Variants in OR7A10 observed in about 807,000 individuals in gnomAD.
OR7A10 encodes the protein olfactory receptor family 7 subfamily A member 10, also known as olfactory receptor 7A10.
For synonymous variants in OR7A10, 144 were observed against 144.5 expected (o/e 1.00, Z 0.02); for missense variants, 358 against 370.1 (o/e 0.97, Z 0.27).
At position 14,841,379 on chromosome 19, in the gene OR7A10, G is replaced by A. The variant is rs764338523; in HGVS notation, c.499C>T (p.Pro167Ser). The change falls in exon 2 of 2, where the codon CCC (proline) becomes TCC (serine). Residue 167 changes from proline to serine, a missense_variant. By Grantham distance (74) the Pro-to-Ser change is moderately conservative. Coordinates refer to ENST00000641129, the MANE Select transcript of OR7A10 (RefSeq NM_001005190.2). ...GGGATTTCCATGTGTGTACAAAAGG[G>A]CAGTGGCAACACCATTAAGCTTTGT... is the stretch of plus-strand genomic sequence containing the variant. Reference protein sequence around the residue: ...MLQSLMVLPLPFCTHMEIPHF... With the variant: ...MLQSLMVLPLSFCTHMEIPHF... 84 of 1,613,962 alleles carry A rather than the reference G, an allele frequency of 5.2e-5. No individual in the cohort carries two copies. The highest frequency in any genetic ancestry group is 6.8e-5 in the Non-Finnish European group (80 of 1,180,014).
rs1471593748 is a variant in OR7A10, at chr19:14,841,397, A to T, written c.481T>A (p.Leu161Ile). 2 of 1,614,058 alleles carry T rather than the reference A, an allele frequency of 1.2e-6. No homozygotes were observed. Among genetic ancestry groups the T allele is most frequent in the South Asian group, 2.2e-5 (2 of 91,080 alleles). The change falls in exon 2 of 2, where the codon TTA becomes ATA. Residue 161 changes from leucine to isoleucine, a missense_variant. Leu to Ile is a conservative substitution (Grantham distance 5). Transcript: ENST00000641129. ...CAAAAGGGCAGTGGCAACACCATTA[A>T]GCTTTGTAACATGGAATTCAGAACA... The part of the protein sequence containing the change: ...MSVLNSMLQS[L>I]MVLPLPFCTH...
Position 14,841,028 on chromosome 19 carries a change from T to C in OR7A10, c.850A>G (p.Met284Val). 6.2e-7 allele frequency: 1 copy of C among 1,614,114 alleles called. No homozygotes were observed. Among genetic ancestry groups the C allele is most frequent in the Non-Finnish European group, 8.5e-7 (1 of 1,180,000 alleles). Residue 284 changes from methionine to valine, a missense_variant, in exon 2 of 2, where the codon ATG (methionine) becomes GTG (valine). By Grantham distance (21) the Met-to-Val change is conservative. Coordinates refer to ENST00000641129, the MANE Select transcript of OR7A10 (RefSeq NM_001005190.2). ...ASVMYTVVTP[M>V]LNPFIYSLRN... ...AGACTGTAGATGAAGGGGTTCAGCA[T>C]GGGGGTGACCACAGTGTACATCACT... is the stretch of plus-strand genomic sequence containing the variant.
chr19:14,841,958 A>T, intron 1 of OR7A10, 69 bp from the exon 2 acceptor site: 2 of 897,456 alleles, frequency 2.2e-6, no homozygotes, highest in East Asian at 5.0e-5. Context: ...TTCCAAAACT[A>T]TCAGAAATGT....
Position 14,841,673 on chromosome 19 carries a change from C to G in OR7A10, c.205G>C (p.Val69Leu), listed in dbSNP as rs774022847. The change falls in exon 2 of 2, where the codon GTA (valine) becomes CTA (leucine). Residue 69 changes from valine (V) to leucine (L), a missense_variant. By Grantham distance (32) the Val-to-Leu change is conservative. Transcript: ENST00000641129. ...MYFFLSNLSFVDICFVSTTVP... is the reference protein window; with the variant it reads ...MYFFLSNLSFLDICFVSTTVP... ...GTGGTAGAGACAAAACAGATGTCTA[C>G]GAAGGACAGGTTGGAGAGGAAGAAG... 1.9e-6 allele frequency: 3 copies of G among 1,613,906 alleles called. No homozygotes were observed. Among genetic ancestry groups the G allele is most frequent in the Non-Finnish European group, 1.7e-6 (2 of 1,180,022 alleles).
rs1186056356 is a variant in OR7A10, at chr19:14,841,600, G to A, written c.278C>T (p.Thr93Ile). The change falls in exon 2 of 2, where the codon ACC becomes ATC. Residue 93 changes from threonine to isoleucine, a missense_variant. Transcript: ENST00000641129. ...VNIQTHNKVITYAGCITQMCF... is the reference protein window; with the variant it reads ...VNIQTHNKVIIYAGCITQMCF... Reference sequence around the variant, plus strand: ...CATCTGGGTGATGCAGCCTGCATAGGTGATGACTTTGTTGTGTGTCTGGAT... The same window carrying A: ...CATCTGGGTGATGCAGCCTGCATAGATGATGACTTTGTTGTGTGTCTGGAT... 3 of 1,614,192 alleles carry A rather than the reference G, an allele frequency of 1.9e-6. No individual in the cohort carries two copies. The highest frequency in any genetic ancestry group is 4.5e-5 in the East Asian group (2 of 44,874).
chr19:14,845,323 A>C (rs2044937313), intron 1 of OR7A10, among the ~76,000 whole-genome samples: 1 of 151,860 alleles, frequency 6.6e-6, no homozygotes, highest in Non-Finnish European at 1.5e-5. Flanking sequence ...AAAAATACAA[A>C]AATTAGCTGG....
At chr19:14,844,669 T>TTGTTTTTTTTTG (rs200433063) in intron 1 of OR7A10, among the ~76,000 whole-genome samples, 1 of 134,084 alleles carries the variant, frequency 7.5e-6, no homozygotes, top group Admixed American at 8.0e-5. Context: ...TCTGTGTTTT[T>TTGTTTTTTTTTG]TTTTTTTTTT....
Position 14,841,339 on chromosome 19 carries a change from TC to T in OR7A10, c.538del (p.Glu180LysfsTer18). 6.2e-7 allele frequency: 1 copy of T among 1,614,160 alleles called. No homozygotes were observed. Among genetic ancestry groups the T allele is most frequent in the Non-Finnish European group, 8.5e-7 (1 of 1,180,020 alleles). ...GGCAAGGTGGACCACCTGATTAATTTCACAGAAAAAATGAGGGATTTCCATG... is the reference window on the plus strand; with the variant it reads ...GGCAAGGTGGACCACCTGATTAATTTACAGAAAAAATGAGGGATTTCCATG... ...THMEIPHFFC[E>X]INQVVHLACS... On this transcript the variant is annotated frameshift_variant, in exon 2 of 2. Coordinates refer to ENST00000641129, the MANE Select transcript of OR7A10 (RefSeq NM_001005190.2). LOFTEE classifies it low-confidence loss of function (END_TRUNC).
Position 14,840,958 on chromosome 19 carries a change from C to T in OR7A10, c.920G>A (p.Gly307Glu). The change falls in exon 2 of 2, where the codon GGA becomes GAA. Residue 307 changes from glycine to glutamate, a missense_variant. Transcript: ENST00000641129. Reference sequence around the variant, plus strand: ...TGAAAAATAGCCTTTCTATTGCTTTCCTCTGAAGAATGTTTTCATAGCACC... The same window carrying T: ...TGAAAAATAGCCTTTCTATTGCTTTTCTCTGAAGAATGTTTTCATAGCACC... ...IKGAMKTFFR[G>E]KQ 2 of 1,607,396 alleles carry T rather than the reference C, an allele frequency of 1.2e-6. No individual in the cohort carries two copies. The highest frequency in any genetic ancestry group is 2.2e-5 in the South Asian group (2 of 89,732).
At position 14,841,513 on chromosome 19, in the gene OR7A10, C is replaced by T. The variant is rs576280843; in HGVS notation, c.365G>A (p.Arg122Gln). 49 of 1,614,074 alleles carry T rather than the reference C, an allele frequency of 3.0e-5. No homozygotes were observed. The highest frequency in any genetic ancestry group is 1.2e-4 in the African/African-American group (9 of 75,004). Residue 122 changes from arginine (R) to glutamine (Q), a missense_variant, in exon 2 of 2, where the codon CGG (arginine) becomes CAG (glutamine). Coordinates refer to ENST00000641129, the MANE Select transcript of OR7A10 (RefSeq NM_001005190.2). ...NFLLTVMAYD[R>Q]FVAICHPLHY... ...CAGAGGGTGACAGATGGCCACAAACCGGTCATAGGCCATCACGGTCAGAAG... is the reference window on the plus strand; with the variant it reads ...CAGAGGGTGACAGATGGCCACAAACTGGTCATAGGCCATCACGGTCAGAAG...
At chr19:14,848,463 C>T (rs929275329) in intron 1 of OR7A10, 37 bp downstream of exon 1, 1 of 152,236 alleles carries the variant, frequency 6.6e-6, no homozygotes, top group African/African-American at 2.4e-5. Context: ...AACTTGCAAT[C>T]TCCCTGATCC....
intron 1 of OR7A10, among the ~76,000 whole-genome samples, chr19:14,844,662 G>GTTTTTTTTTTTTTTTTTTTTTT (rs2044931412): frequency 2.0e-5 from 1 of 49,968 alleles, no homozygotes; most frequent in Non-Finnish European, 3.6e-5. Context: ...CTTGAGTTCT[G>GTTTTTTTTTTTTTTTTTTTTTT]TGTTTTTTTT....
Position 14,840,484 on chromosome 19 carries a change from C to T in OR7A10, c.*464G>A, listed in dbSNP as rs1399025482. 1 of 155,218 alleles carries T rather than the reference C, an allele frequency of 6.4e-6. No individual in the cohort carries two copies. The highest frequency in any genetic ancestry group is 1.4e-5 in the Non-Finnish European group (1 of 70,116). The allele number at this position is 155,218 out of a possible 1,614,324, so 9.6% of individuals were successfully genotyped here. On this transcript the variant is annotated 3_prime_UTR_variant, in exon 2 of 2. Transcript: ENST00000641129. ...GTAAATACATATATTGTTCACTTGT[C>T]AACACTTTGATGCTTATGACATTTT...
chr19:14,846,534 A>C (rs1188371527), intron 1 of OR7A10, among the ~76,000 whole-genome samples: 4 of 151,880 alleles, frequency 2.6e-5, no homozygotes, highest in Non-Finnish European at 4.4e-5. Context: ...ATGGAAACTA[A>C]AGAATATGAC....
chr19:14,848,402 A>G (rs1024495977), intron 1 of OR7A10, 98 bp downstream of exon 1: 3 of 151,488 alleles, frequency 2.0e-5, no homozygotes, highest in Non-Finnish European at 4.4e-5. Flanking sequence ...CAGCGTCTCC[A>G]CTCTGTTGCA....
intron 1 of OR7A10, among the ~76,000 whole-genome samples, chr19:14,844,334 C>T (rs1200300107): frequency 2.0e-5 from 3 of 152,204 alleles, no homozygotes; most frequent in Admixed American, 2.0e-4. Flanking sequence ...GAACAGAAGA[C>T]AGGGTCAGAG....
At position 14,841,467 on chromosome 19, in the gene OR7A10, G is replaced by T. The variant is rs2044912192; in HGVS notation, c.411C>A (p.Asn137Lys). 2 of 1,614,092 alleles carry T rather than the reference G, an allele frequency of 1.2e-6. No individual in the cohort carries two copies. The highest frequency in any genetic ancestry group is 1.3e-5 in the African/African-American group (1 of 74,928). The change falls in exon 2 of 2, where the codon AAC (asparagine) becomes AAA (lysine). Residue 137 changes from asparagine (N) to lysine (K), a missense_variant. Coordinates refer to ENST00000641129, the MANE Select transcript of OR7A10 (RefSeq NM_001005190.2). The stretch of plus-strand genomic sequence containing the variant: ...GAACCAGCAGTCCACAGAGTTGAGG[G>T]TTCATAATGACCATGTAGTGCAGAG... ...CHPLHYMVIM[N>K]PQLCGLLVLA...
rs142756745 is a variant in OR7A10, at chr19:14,841,435, G to A, written c.443C>T (p.Ser148Phe). Reference protein sequence around the residue: ...PQLCGLLVLASWIMSVLNSML... With the variant: ...PQLCGLLVLAFWIMSVLNSML... ...GGAATTCAGAACACTCATGATCCAGGATGCCAGAACCAGCAGTCCACAGAG... is the reference window on the plus strand; with the variant it reads ...GGAATTCAGAACACTCATGATCCAGAATGCCAGAACCAGCAGTCCACAGAG... The change falls in exon 2 of 2, where the codon TCC becomes TTC. Residue 148 changes from serine (S) to phenylalanine (F), a missense_variant. Physicochemically the swap from Ser to Phe is radical, Grantham distance 155. Transcript: ENST00000641129. The A allele has an allele frequency of 1.6e-4, 263 of 1,614,120 alleles. No individual in the cohort carries two copies. The African/African-American group carries it at 3.3e-3, about 20-fold the overall frequency.
intron 1 of OR7A10, among the ~76,000 whole-genome samples, chr19:14,844,664 G>GTTTTTTTTTTTGTTT (rs1555697161): frequency 3.1e-5 from 3 of 97,660 alleles, no homozygotes; most frequent in African/African-American, 7.9e-5. Flanking sequence ...TGAGTTCTGT[G>GTTTTTTTTTTTGTTT]TTTTTTTTTT....
Sources: gnomAD v4.1 joint callset for allele counts (sites outside exome capture counted in the v4.1 genomes callset) on GRCh38, gnomAD v4.1.1 for gene constraint, MANE v1.5 for transcripts, NCBI Gene and HGNC (gene_info 2026-07-23, HGNC 2026-07-21) for gene names.